KL: variants seen among roughly 807,000 people sequenced by gnomAD.
The protein encoded by KL is klotho, also known as alpha-klotho.
KL carries 62 observed loss-of-function variants against 84.2 expected under a neutral mutation model. The observed-to-expected ratio is 0.74, with a 90% CI of 0.60 to 0.91. The LOEUF is 0.91. Among genes scored for constraint, KL ranks in the 40% least tolerant of loss-of-function variants. The probability of loss-of-function intolerance (pLI) is 0.00; values close to 1 mark genes in which losing one functional copy is unlikely to be tolerated. For synonymous variants in KL, 528 were observed against 528.0 expected (o/e 1.00, Z 0.00); for missense variants, 1,261 against 1,305.7 (o/e 0.97, Z 0.53).
chr13:33,034,951 A>G (rs1252617759), intron 1 of KL, among the ~76,000 whole-genome samples: 2 of 152,234 alleles, frequency 1.3e-5, no homozygotes, highest in Admixed American at 6.5e-5. Context: ...GTGCACTGTG[A>G]TATTTCCTAA....
At chr13:33,029,734 C>T (rs906512538) in intron 1 of KL, among the ~76,000 whole-genome samples, 16 of 152,128 alleles carry the variant, frequency 1.1e-4, no homozygotes, top group South Asian at 6.2e-4. Flanking sequence ...CCCAGGTTCA[C>T]GCCATTCTCC....
chr13:33,017,320 C>G, intron 1 of KL, 61 bp downstream of exon 1: 1 of 1,428,190 alleles, frequency 7.0e-7, no homozygotes. Flanking sequence ...CCACAGGGGC[C>G]AGGGGGAAGT....
chr13:33,030,821 A>C (rs1468637036), intron 1 of KL, among the ~76,000 whole-genome samples: 1 of 152,260 alleles, frequency 6.6e-6, no homozygotes, highest in East Asian at 1.9e-4. Flanking sequence ...ACATATAAAA[A>C]ATTCTTGAAC....
intron 3 of KL, among the ~76,000 whole-genome samples, chr13:33,059,960 A>G (rs1007569508): frequency 6.6e-6 from 1 of 152,162 alleles, no homozygotes; most frequent in African/African-American, 2.4e-5. Flanking sequence ...TAACTCACTC[A>G]GTTTTTTAAA....
chr13:33,059,034 A>C (rs554422321), intron 3 of KL, among the ~76,000 whole-genome samples: 5 of 152,306 alleles, frequency 3.3e-5, no homozygotes, highest in South Asian at 4.1e-4. Context: ...AAACACACTT[A>C]TCTCTCCAGA....
At chr13:33,033,736 C>A (rs937117791) in intron 1 of KL, among the ~76,000 whole-genome samples, 1 of 151,686 alleles carries the variant, frequency 6.6e-6, no homozygotes, top group Non-Finnish European at 1.5e-5. Context: ...ACCCACTTTA[C>A]GAGCAGCGGA....
At chr13:33,033,884 T>G (rs1871065589) in intron 1 of KL, among the ~76,000 whole-genome samples, 1 of 152,078 alleles carries the variant, frequency 6.6e-6, no homozygotes, top group African/African-American at 2.4e-5. Flanking sequence ...TAAGATCATT[T>G]TTTTAAAAAA....
rs138510364 is a variant in KL, at chr13:33,062,518, C to T, written c.2701+738C>T. Among the ~76,000 whole-genome samples the T allele has an allele frequency of 7.6e-4, 115 of 151,622 alleles. 1 individual carries two copies. Among genetic ancestry groups the T allele is most frequent in the Non-Finnish European group, 8.3e-4 (56 of 67,864 alleles). On this transcript the variant is annotated intron_variant, in intron 4 of 4. Transcript: ENST00000380099. ...TGAAACCCCGTCTCTACTGAAAATA[C>T]GAAAATTATCCAGGTGTAGTGATGC...
chr13:33,019,729 G>GTGTGTT (rs1870501462), intron 1 of KL, among the ~76,000 whole-genome samples: 1 of 123,890 alleles, frequency 8.1e-6, no homozygotes, highest in East Asian at 2.1e-4. Flanking sequence ...GTGTGTGTGT[G>GTGTGTT]TGTGAGAGAG....
chr13:33,045,651 G>A (rs1187929479), intron 1 of KL, among the ~76,000 whole-genome samples: 16 of 151,932 alleles, frequency 1.1e-4, no homozygotes, highest in African/African-American at 3.9e-4. Flanking sequence ...GACTAATTTT[G>A]TATTTTTAGT....
intron 1 of KL, among the ~76,000 whole-genome samples, chr13:33,035,364 G>C (rs922532780): frequency 6.6e-6 from 1 of 152,186 alleles, no homozygotes; most frequent in Non-Finnish European, 1.5e-5. Flanking sequence ...AGATAAGGAG[G>C]CAGAAGTAGA....
chr13:33,033,377 G>A (rs188567816), intron 1 of KL, among the ~76,000 whole-genome samples: 2 of 152,224 alleles, frequency 1.3e-5, no homozygotes, highest in African/African-American at 2.4e-5. Flanking sequence ...TTTCGTCACA[G>A]GGGATCAAGC....
At chr13:33,030,228 C>G (rs1350159383) in intron 1 of KL, among the ~76,000 whole-genome samples, 2 of 152,142 alleles carry the variant, frequency 1.3e-5, no homozygotes, top group Non-Finnish European at 2.9e-5. Flanking sequence ...AATACTATTA[C>G]AATGGCAATT....
Position 33,065,558 on chromosome 13 carries a change from T to C in KL, c.*1372T>C. 1 of 183,766 alleles carries C rather than the reference T, an allele frequency of 5.4e-6. No individual in the cohort carries two copies. The highest frequency in any genetic ancestry group is 1.2e-5 in the Non-Finnish European group (1 of 86,198). The allele number at this position is 183,766 out of a possible 1,614,324, so 11.4% of individuals were successfully genotyped here. ...CACAGGGTCATAGTGTATAATAATA[T>C]ACTGTACTATATAATATATCATCTT... On this transcript the variant is annotated 3_prime_UTR_variant, in exon 5 of 5. Coordinates refer to ENST00000380099, the MANE Select transcript of KL (RefSeq NM_004795.4).
chr13:33,045,886 G>A lies in KL; in HGVS notation c.820-7881G>A, dbSNP rs74970634. 4.6e-3 allele frequency among the ~76,000 whole-genome samples: 705 copies of A among 152,186 alleles called. 6 individuals are homozygous for A. Among genetic ancestry groups the A allele is most frequent in the African/African-American group, 0.016 (644 of 41,524 alleles). ...GATTTTTGTAAAATGCTTTTCCTGC[G>A]TTAATTGAGATAATCATATGGGTTT... On this transcript the variant is annotated intron_variant, in intron 1 of 4. Coordinates refer to ENST00000380099, the MANE Select transcript of KL (RefSeq NM_004795.4).
rs1047031459 is a variant in KL, at chr13:33,064,651, A to G, written c.*465A>G. 12 of 238,102 alleles carry G rather than the reference A, an allele frequency of 5.0e-5. No individual in the cohort carries two copies. The highest frequency in any genetic ancestry group is 2.4e-4 in the African/African-American group (11 of 45,058). The allele number at this position is 238,102 out of a possible 1,614,324, so 14.7% of individuals were successfully genotyped here. A position where few individuals can be genotyped will look rare whatever the true frequency, so the allele number is the denominator to read the frequency against. ...AATGCCTAGTGGCTTCCCCTCTGTCAAATCTAGTTTCCTATGGAAAAGAAG... is the reference window on the plus strand; with the variant it reads ...AATGCCTAGTGGCTTCCCCTCTGTCGAATCTAGTTTCCTATGGAAAAGAAG... On this transcript the variant is annotated 3_prime_UTR_variant, in exon 5 of 5. Coordinates refer to ENST00000380099, the MANE Select transcript of KL (RefSeq NM_004795.4).
At chr13:33,028,387 G>C (rs1276177231) in intron 1 of KL, among the ~76,000 whole-genome samples, 1 of 152,152 alleles carries the variant, frequency 6.6e-6, no homozygotes, top group Admixed American at 6.5e-5. Flanking sequence ...GAGAGTCAAA[G>C]TCCCAAAAAA....
intron 1 of KL, among the ~76,000 whole-genome samples, chr13:33,052,859 G>C (rs945965571): frequency 6.6e-6 from 1 of 152,174 alleles, no homozygotes; most frequent in African/African-American, 2.4e-5. Flanking sequence ...TAGGAAAATA[G>C]GGAGAGTAAA....
At chr13:33,045,935 T>C (rs1307149678) in intron 1 of KL, among the ~76,000 whole-genome samples, 2 of 152,224 alleles carry the variant, frequency 1.3e-5, no homozygotes, top group African/African-American at 4.8e-5. Context: ...TCTATTGATG[T>C]AATGCATTAC....
Sources: allele counts gnomAD v4.1 joint callset (sites outside exome capture counted in the v4.1 genomes callset), GRCh38; gene constraint gnomAD v4.1.1; transcripts MANE v1.5; gene names NCBI Gene and HGNC (gene_info 2026-07-23, HGNC 2026-07-21).